Variants in ZNF532 observed in about 807,000 individuals in gnomAD.
The protein encoded by ZNF532 is zinc finger protein 532.
A neutral mutation model predicts 89.3 loss-of-function variants in ZNF532; 22 were observed. That is an observed-to-expected ratio of 0.25 (90% CI 0.18 to 0.35). The LOEUF (loss-of-function observed/expected upper bound fraction) is 0.35, where lower values mean the gene tolerates loss of function less well. ZNF532 is among the 10% of genes least tolerant of loss of function. ZNF532 has a pLI of 1.00. For synonymous variants in ZNF532, 606 were observed against 649.6 expected (o/e 0.93, Z 1.02); for missense variants, 1,132 against 1,643.4 (o/e 0.69, Z 5.38).
chr18:58,970,286 G>A (rs1239351782), intron 7 of ZNF532, among the ~76,000 whole-genome samples: 1 of 152,190 alleles, frequency 6.6e-6, no homozygotes, highest in African/African-American at 2.4e-5. Flanking sequence ...AGGGCCAAAA[G>A]ATTCTATAAC....
At chr18:58,964,063 A>G (rs941419036) in intron 7 of ZNF532, 2 of 152,196 alleles carry the variant, frequency 1.3e-5, no homozygotes, top group Non-Finnish European at 2.9e-5. Context: ...TGCATAGTTC[A>G]TTGCCAGATG....
At chr18:58,963,511 G>A (rs1293980624) in intron 7 of ZNF532, among the ~76,000 whole-genome samples, 1 of 151,990 alleles carries the variant, frequency 6.6e-6, no homozygotes, top group Non-Finnish European at 1.5e-5. Flanking sequence ...CAATCAGCTT[G>A]CATTTCCTAG....
At chr18:58,878,551 TAACTGCAGCCTG>T (rs1199905041) in intron 2 of ZNF532, among the ~76,000 whole-genome samples, 1 of 152,234 alleles carries the variant, frequency 6.6e-6, no homozygotes, top group African/African-American at 2.4e-5. Context: ...GATCACTGGA[TAACTGCAGCCTG>T]AAGTGGAGCC....
At chr18:58,977,464 T>G (rs1167059647) in intron 7 of ZNF532, 1 of 152,182 alleles carries the variant, frequency 6.6e-6, no homozygotes, top group Non-Finnish European at 1.5e-5. Context: ...TCATCTTAGG[T>G]GCTGCCGGCC....
intron 2 of ZNF532, among the ~76,000 whole-genome samples, chr18:58,898,248 A>C (rs927033783): frequency 6.6e-6 from 1 of 152,144 alleles, no homozygotes; most frequent in African/African-American, 2.4e-5. Context: ...CCTCTTGCTC[A>C]CTAGCCACGT....
intron 3 of ZNF532, among the ~76,000 whole-genome samples, chr18:58,928,888 T>C (rs926259605): frequency 3.9e-5 from 6 of 152,204 alleles, no homozygotes; most frequent in African/African-American, 1.4e-4. Context: ...GTTTGAATAA[T>C]TGATATTTTA....
At chr18:58,882,080 C>T (rs1354369596) in intron 2 of ZNF532, among the ~76,000 whole-genome samples, 7 of 152,184 alleles carry the variant, frequency 4.6e-5, no homozygotes, top group Non-Finnish European at 1.0e-4. Context: ...ACCTCAGCCT[C>T]CTGCGTAGCT....
chr18:58,941,706 C>T (rs907527295), intron 5 of ZNF532, among the ~76,000 whole-genome samples: 3 of 152,126 alleles, frequency 2.0e-5, no homozygotes, highest in Middle Eastern at 3.4e-3. Context: ...TGGGCTCAAG[C>T]AGTCCTCTCA....
At chr18:58,893,987 G>T (rs1602739833) in intron 2 of ZNF532, among the ~76,000 whole-genome samples, 1 of 152,104 alleles carries the variant, frequency 6.6e-6, no homozygotes, top group Non-Finnish European at 1.5e-5. Flanking sequence ...GAACCACCAT[G>T]TTCTTCTGGT....
chr18:58,944,728 C>T (rs374340485), intron 5 of ZNF532, among the ~76,000 whole-genome samples: 1 of 151,778 alleles, frequency 6.6e-6, no homozygotes, highest in Non-Finnish European at 1.5e-5. Flanking sequence ...TGAGGTTTGT[C>T]GTATTTGGAC....
intron 2 of ZNF532, among the ~76,000 whole-genome samples, chr18:58,866,192 AG>A (rs1415941428): frequency 3.9e-5 from 6 of 152,228 alleles, no homozygotes; most frequent in Non-Finnish European, 8.8e-5. Context: ...GAAGCCGGGT[AG>A]TCTGGCTTCA....
intron 7 of ZNF532, among the ~76,000 whole-genome samples, chr18:58,974,963 A>C (rs1365267743): frequency 2.0e-5 from 3 of 152,146 alleles, no homozygotes; most frequent in Non-Finnish European, 4.4e-5. Flanking sequence ...CATTTTTGCT[A>C]GAGGCCCTGT....
chr18:58,907,264 C>T (rs1326775216), intron 2 of ZNF532, among the ~76,000 whole-genome samples: 1 of 152,116 alleles, frequency 6.6e-6, no homozygotes, highest in African/African-American at 2.4e-5. Context: ...CGGCTCACTG[C>T]AACCTCCGCC....
intron 2 of ZNF532, among the ~76,000 whole-genome samples, chr18:58,881,284 A>C (rs146308558): frequency 6.6e-6 from 1 of 151,934 alleles, no homozygotes; most frequent in Admixed American, 6.6e-5. Context: ...GGGGCCTGCC[A>C]CCAAGCCCAG....
intron 5 of ZNF532, among the ~76,000 whole-genome samples, chr18:58,945,745 T>C (rs1052994627): frequency 6.6e-6 from 1 of 151,844 alleles, no homozygotes; most frequent in African/African-American, 2.4e-5. Context: ...TTTTTTTTTT[T>C]TGAGACGGAG....
At chr18:58,899,831 C>G (rs550469151) in intron 2 of ZNF532, among the ~76,000 whole-genome samples, 1 of 152,148 alleles carries the variant, frequency 6.6e-6, no homozygotes, top group Non-Finnish European at 1.5e-5. Flanking sequence ...CATACCTTTT[C>G]TCTTCTATCG....
chr18:58,976,721 C>T (rs886162937), intron 7 of ZNF532, among the ~76,000 whole-genome samples: 2 of 152,162 alleles, frequency 1.3e-5, no homozygotes, highest in African/African-American at 4.8e-5. Context: ...TTAGTAGAGA[C>T]GGGGTTTCAC....
chr18:58,973,460 C>CA (rs1232742949), intron 7 of ZNF532, among the ~76,000 whole-genome samples: 4 of 152,172 alleles, frequency 2.6e-5, no homozygotes, highest in African/African-American at 9.7e-5. Context: ...AAAACCACAA[C>CA]AAAATACTAC....
chr18:58,947,928 G>C (rs953362512), intron 5 of ZNF532, 139 bp from the exon 6 acceptor site: 3 of 725,860 alleles, frequency 4.1e-6, no homozygotes, highest in African/African-American at 3.7e-5. Context: ...GTTTGTTTCA[G>C]AGCTAATCGT....
Sources: gnomAD v4.1 joint callset for allele counts (sites outside exome capture counted in the v4.1 genomes callset) on GRCh38, gnomAD v4.1.1 for gene constraint, MANE v1.5 for transcripts, NCBI Gene and HGNC (gene_info 2026-07-23, HGNC 2026-07-21) for gene names.